Variants in TREH observed in about 807,000 individuals in gnomAD.
The protein encoded by TREH is alpha,alpha-trehalose glucohydrolase.
Under a neutral mutation model 80.5 loss-of-function variants are expected in TREH, and 69 were observed. That is an observed-to-expected ratio of 0.86 (90% CI 0.71 to 1.05). The LOEUF is 1.05. Among genes scored for constraint, TREH ranks in the 50% least tolerant of loss-of-function variants. The pLI is 0.00. For synonymous variants in TREH, 309 were observed against 293.5 expected (o/e 1.05, Z -0.54); for missense variants, 716 against 718.8 (o/e 1.00, Z 0.04).
chr11:118,671,435 CA>C (rs1435679014), intron 1 of TREH, among the ~76,000 whole-genome samples: 1 of 151,748 alleles, frequency 6.6e-6, no homozygotes, highest in Non-Finnish European at 1.5e-5. Context: ...CCGAATTGAT[CA>C]AGCAGAAGAA....
chr11:118,658,555 A>G (rs1354479237), intron 14 of TREH, 114 bp from the exon 15 acceptor site: 79 of 1,516,784 alleles, frequency 5.2e-5, no homozygotes, highest in Non-Finnish European at 6.9e-5. Flanking sequence ...CGGTACAGGA[A>G]GCACCAGTCA....
Position 118,665,466 on chromosome 11 carries a change from C to T in TREH, c.90-2027G>A, listed in dbSNP as rs1033757009. 3.3e-5 allele frequency among the ~76,000 whole-genome samples: 5 copies of T among 151,972 alleles called. No homozygotes were observed. The East Asian group carries it at 5.8e-4, about 18-fold the overall frequency. On this transcript the variant is annotated intron_variant, in intron 1 of 14. Transcript: ENST00000264029. The stretch of plus-strand genomic sequence containing the variant: ...CTTCCTGGCTAACACGATGAAACCC[C>T]GTCTCTACTAAAAAGTACAAAAAAT...
At position 118,657,829 on chromosome 11, in the gene TREH, C is replaced by T. The variant is rs1949205248; in HGVS notation, c.*460G>A. The T allele has an allele frequency of 6.1e-6, 1 of 162,814 alleles. No individual in the cohort carries two copies. The allele number at this position is 162,814 out of a possible 1,614,324, so 10.1% of individuals were successfully genotyped here. A position where few individuals can be genotyped will look rare whatever the true frequency, so the allele number is the denominator to read the frequency against. On this transcript the variant is annotated 3_prime_UTR_variant, in exon 15 of 15. Transcript: ENST00000264029. The stretch of plus-strand genomic sequence containing the variant: ...CCCTGTGGTGCCGCCGCCCTTCCTT[C>T]AGCCTCCGAAGGGTGATGGAAATGG...
chr11:118,658,817 C>T, intron 13 of TREH, 84 bp from the exon 14 acceptor site: 1 of 1,609,218 alleles, frequency 6.2e-7, no homozygotes. Flanking sequence ...TGGGGAGAAG[C>T]TGCTCTGCCT....
chr11:118,662,885 T>C lies in TREH; in HGVS notation c.419A>G (p.Lys140Arg), dbSNP rs34978247. ...QLHQLWKKLG[K>R]KMKPEVLSHP... Reference sequence around the variant, plus strand: ...GCAGGCCCAGGACGCTGATACCTTCTTCCCCAGCTTCTTCCAGAGCTGATG... The same window carrying C: ...GCAGGCCCAGGACGCTGATACCTTCCTCCCCAGCTTCTTCCAGAGCTGATG... Residue 140 changes from lysine (K) to arginine (R), a missense_variant, in exon 4 of 15, where the codon AAG (lysine) becomes AGG (arginine). Coordinates refer to ENST00000264029, the MANE Select transcript of TREH (RefSeq NM_007180.3). The C allele has an allele frequency of 5.6e-3, 8,920 of 1,584,382 alleles. 27 individuals carry two copies. The highest frequency in any genetic ancestry group is 6.9e-3 in the Non-Finnish European group (8,075 of 1,164,976).
chr11:118,662,982 G>A lies in TREH; in HGVS notation c.336-14C>T. 4 of 1,611,814 alleles carry A rather than the reference G, an allele frequency of 2.5e-6. No homozygotes were observed. Among genetic ancestry groups the A allele is most frequent in the Non-Finnish European group, 3.4e-6 (4 of 1,178,642 alleles). On this transcript the variant is annotated splice_polypyrimidine_tract_variant and intron_variant, in intron 3 of 14. Transcript: ENST00000264029. ...AGGAACTGGGGGCTGAAAGAACACA[G>A]GCCCCACAGGGTTCAAGGAGGCAGC...
chr11:118,659,253 A>C, intron 12 of TREH, 117 bp downstream of exon 12: 1 of 912,866 alleles, frequency 1.1e-6, no homozygotes, highest in East Asian at 2.7e-5. Flanking sequence ...AGAGCAGAGG[A>C]GCGAGAGAAA....
At chr11:118,659,052 G>T in intron 12 of TREH, 35 bp from the exon 13 acceptor site, 3 of 1,597,312 alleles carry the variant, frequency 1.9e-6, no homozygotes, top group Non-Finnish European at 2.6e-6. Context: ...CAACCTCCAG[G>T]TCTCCCATCC....
intron 1 of TREH, among the ~76,000 whole-genome samples, chr11:118,667,232 G>A (rs1949386490): frequency 6.6e-6 from 1 of 151,924 alleles, no homozygotes; most frequent in Admixed American, 6.6e-5. Flanking sequence ...AGGCTGAAAT[G>A]CAGTGATGCA....
intron 1 of TREH, among the ~76,000 whole-genome samples, chr11:118,665,982 A>G (rs1176933262): frequency 6.6e-6 from 1 of 152,130 alleles, no homozygotes; most frequent in African/African-American, 2.4e-5. Flanking sequence ...TCACGCCTGT[A>G]ATCCCAGCAC....
chr11:118,659,872 A>G lies in TREH; in HGVS notation c.1195T>C (p.Trp399Arg). ...TVLWDEQTGA[W>R]FDYDLEKKKK... ...TTCTTCTCAAGGTCGTAATCGAACC[A>G]GGCTCCGGTCTGCTCATCCCACAGG... Residue 399 changes from tryptophan (W) to arginine (R), a missense_variant, in exon 11 of 15, where the codon TGG becomes CGG. Physicochemically the swap from Trp to Arg is moderately radical, Grantham distance 101. Transcript: ENST00000264029. 1 of 1,552,506 alleles carries G rather than the reference A, an allele frequency of 6.4e-7. No individual in the cohort carries two copies. The highest frequency in any genetic ancestry group is 8.7e-7 in the Non-Finnish European group (1 of 1,147,312).
At position 118,658,954 on chromosome 11, in the gene TREH, A is replaced by T. The variant is rs782805459; in HGVS notation, c.1496T>A (p.Ile499Asn). Reference protein sequence around the residue: ...EVAFQLAQNWIRTNFDVYSQK... With the variant: ...EVAFQLAQNWNRTNFDVYSQK... ...CGAGTAGACATCAAAATTGGTTCGG[A>T]TCCAATTCTGAGCCAGCTGGAAAGC... Residue 499 changes from isoleucine (I) to asparagine (N), a missense_variant, in exon 13 of 15, where the codon ATC (isoleucine) becomes AAC (asparagine). Ile to Asn is a moderately radical substitution (Grantham distance 149). Transcript: ENST00000264029. 12 of 1,613,892 alleles carry T rather than the reference A, an allele frequency of 7.4e-6. No homozygotes were observed. Among genetic ancestry groups the T allele is most frequent in the Non-Finnish European group, 1.0e-5 (12 of 1,179,866 alleles).
At chr11:118,672,779 C>T (rs1006673922) in intron 1 of TREH, among the ~76,000 whole-genome samples, 1 of 147,920 alleles carries the variant, frequency 6.8e-6, no homozygotes, top group Non-Finnish European at 1.5e-5. Context: ...ATAGTAAGCA[C>T]ACAGAAAAAA....
Position 118,658,990 on chromosome 11 carries a change from G to A in TREH, c.1460C>T (p.Ala487Val). 6.2e-7 allele frequency: 1 copy of A among 1,613,844 alleles called. No homozygotes were observed. The highest frequency in any genetic ancestry group is 8.5e-7 in the Non-Finnish European group (1 of 1,179,868). Reference protein sequence around the residue: ...RGLAKAPLRRAQEVAFQLAQN... With the variant: ...RGLAKAPLRRVQEVAFQLAQN... ...AGCCAGCTGGAAAGCCACTTCCTGG[G>A]CCCGACGTAAAGGTGCCTTGGCCAG... is the stretch of plus-strand genomic sequence containing the variant. The change falls in exon 13 of 15, where the codon GCC becomes GTC. Residue 487 changes from alanine to valine, a missense_variant. Physicochemically the swap from Ala to Val is moderately conservative, Grantham distance 64. Transcript: ENST00000264029.
rs782681168 is a variant in TREH at position 118,661,279 on chromosome 11, T to C, written c.738A>G (p.Glu246=). The change falls in exon 8 of 15, where the codon GAA becomes GAG. Residue 246 remains glutamate (E), a synonymous_variant. Transcript: ENST00000264029. This position sits in a 1 kb window ranked among gnomAD's most constrained non-coding sequence, Gnocchi z 4.2. ...THTNDTAFLQ[E]NIETLALELD... ...ATTCCAAGGCTAGTGTTTCAATGTT[T>C]TCCCTGGAGTGAAGCAGACAACACC... is the stretch of plus-strand genomic sequence containing the variant. 12 of 1,613,834 alleles carry C rather than the reference T, an allele frequency of 7.4e-6. No homozygotes were observed. Among genetic ancestry groups the C allele is most frequent in the Admixed American group, 1.7e-5 (1 of 60,004 alleles).
Position 118,661,948 on chromosome 11 carries a change from TGA to T in TREH, c.464_465del (p.Leu155HisfsTer16), listed in dbSNP as rs1555145098. 6.4e-7 allele frequency: 1 copy of T among 1,555,800 alleles called. No individual in the cohort carries two copies. Among genetic ancestry groups the T allele is most frequent in the Non-Finnish European group, 8.7e-7 (1 of 1,149,452 alleles). On this transcript the variant is annotated frameshift_variant, in exon 5 of 15. Transcript: ENST00000264029. LOFTEE classifies it high-confidence loss of function. This position sits in a 1 kb window ranked among gnomAD's most constrained non-coding sequence, Gnocchi z 4.2. Reference sequence around the variant, plus strand: ...ACAATGAAGGGATGTTCTGAGTAGATGAGAGAGAACCGCTCAGGGTGGCTGAG... The same window carrying T: ...ACAATGAAGGGATGTTCTGAGTAGATGAGAGAACCGCTCAGGGTGGCTGAG... ...EVLSHPERFS[L>X]IYSEHPFIVP...
Sources: allele counts gnomAD v4.1 joint callset (sites outside exome capture counted in the v4.1 genomes callset), GRCh38; gene constraint gnomAD v4.1.1; non-coding constraint Gnocchi (gnomAD v3.1); transcripts MANE v1.5; gene names NCBI Gene and HGNC (gene_info 2026-07-23, HGNC 2026-07-21).